EPN1: variants seen among roughly 807,000 people sequenced by gnomAD.
EPN1 encodes epsin 1, also known as epsin-1.
EPN1 carries 25 observed loss-of-function variants against 56.9 expected under a neutral mutation model. The observed-to-expected ratio is 0.44, with a 90% CI of 0.32 to 0.61. The LOEUF is 0.61. Among genes scored for constraint, EPN1 ranks in the 20% least tolerant of loss-of-function variants. EPN1 has a pLI of 0.05. For synonymous variants in EPN1, 411 were observed against 361.8 expected (o/e 1.14, Z -1.54); for missense variants, 785 against 823.7 (o/e 0.95, Z 0.58).
rs1243156380 is a variant in EPN1 at position 55,688,856 on chromosome 19, C to T, written c.479-14C>T. ...CCTGGTCTGGGTCTCACGCGTTTCT[C>T]ACCCGCCCTCCAGCCTCATCAGCAG... On this transcript the variant is annotated splice_polypyrimidine_tract_variant and intron_variant, in intron 3 of 10. Coordinates refer to ENST00000270460, the MANE Select transcript of EPN1 (RefSeq NM_001130072.2). The T allele has an allele frequency of 3.2e-6, 5 of 1,571,604 alleles. No homozygotes were observed. Among genetic ancestry groups the T allele is most frequent in the Admixed American group, 3.7e-5 (2 of 53,350 alleles).
chr19:55,684,335 T>A (rs989739943), intron 2 of EPN1, among the ~76,000 whole-genome samples: 8 of 152,074 alleles, frequency 5.3e-5, no homozygotes, highest in Admixed American at 2.6e-4. Flanking sequence ...CCCTGCAGAA[T>A]CAAAGTTGTG....
At position 55,679,712 on chromosome 19, in the gene EPN1, C is replaced by T. The variant is rs188759411; in HGVS notation, c.228+857C>T. Among the ~76,000 whole-genome samples the T allele has an allele frequency of 5.7e-3, 863 of 152,278 alleles. 3 individuals are homozygous for T. The highest frequency in any genetic ancestry group is 9.4e-3 in the Non-Finnish European group (640 of 68,022). On this transcript the variant is annotated intron_variant, in intron 2 of 10. Coordinates refer to ENST00000270460, the MANE Select transcript of EPN1 (RefSeq NM_001130072.2). ...CAGATGAGGAGGCTGAGGCCTGGAG[C>T]GTTGCAGCACTTACACATGGGAGCA...
intron 1 of EPN1, chr19:55,677,799 G>A: frequency 7.0e-7 from 1 of 1,436,996 alleles, no homozygotes; most frequent in Non-Finnish European, 9.2e-7. Context: ...ATGTGTCCTT[G>A]TTTCTGCTGT....
At chr19:55,678,073 C>G (rs529841969) in intron 1 of EPN1, among the ~76,000 whole-genome samples, 1 of 149,708 alleles carries the variant, frequency 6.7e-6, no homozygotes, top group African/African-American at 2.5e-5. Context: ...GGGTGTGCAC[C>G]TGGGAAGTGT....
At position 55,694,411 on chromosome 19, in the gene EPN1, C is replaced by T; in HGVS notation, c.1265-315C>T. 3.2e-6 allele frequency: 1 copy of T among 309,060 alleles called. No homozygotes were observed. Among genetic ancestry groups the T allele is most frequent in the East Asian group, 5.2e-5 (1 of 19,146 alleles). 19.1% of individuals were successfully genotyped at this position (309,060 alleles called of 1,614,324 possible). A position where few individuals can be genotyped will look rare whatever the true frequency, so the allele number is the denominator to read the frequency against. On this transcript the variant is annotated intron_variant, in intron 9 of 10. Coordinates refer to ENST00000270460, the MANE Select transcript of EPN1 (RefSeq NM_001130072.2). The surrounding 1 kb of genome is among the most constrained non-coding windows in gnomAD (Gnocchi z 4.2). ...CTGTGAACACGCCCCCGCTGCCTTC[C>T]CCCGCGGGCCTATAGACCCTGGACG...
At chr19:55,690,344 C>T (rs542935991) in intron 6 of EPN1, among the ~76,000 whole-genome samples, 13 of 152,380 alleles carry the variant, frequency 8.5e-5, no homozygotes, top group African/African-American at 2.9e-4. Context: ...AGGCCGTGTG[C>T]TGCACACCCA....
chr19:55,706,277 C>CTTTTTTTTTTTTTTTTTTTTTT lies in EPN1; in HGVS notation c.*10923_*10924insTTTTTTTTTTTTTTTTTTTTTT, dbSNP rs1568587726. On this transcript the variant is annotated 3_prime_UTR_variant, in exon 11 of 11. Transcript: ENST00000270460. ...TCTTTTCTTCCTTTCTTCTCTTTTT[C>CTTTTTTTTTTTTTTTTTTTTTT]TTCTTCTTTTTTTTTTTTTTTTAAA... 1.5e-4 allele frequency: 15 copies of CTTTTTTTTTTTTTTTTTTTTTT among 98,532 alleles called. No individual in the cohort carries two copies. Among genetic ancestry groups the CTTTTTTTTTTTTTTTTTTTTTT allele is most frequent in the South Asian group, 2.9e-4 (1 of 3,484 alleles). The allele number at this position is 98,532 out of a possible 1,614,324, so 6.1% of individuals were successfully genotyped here. A position where few individuals can be genotyped will look rare whatever the true frequency, so the allele number is the denominator to read the frequency against.
intron 7 of EPN1, among the ~76,000 whole-genome samples, chr19:55,692,334 G>T (rs1435811244): frequency 2.0e-5 from 3 of 151,576 alleles, no homozygotes; most frequent in African/African-American, 7.3e-5. Context: ...CGTGTGTGAC[G>T]TAGGCATCTG....
At position 55,696,836 on chromosome 19, in the gene EPN1, G is replaced by C. The variant is rs1004754692; in HGVS notation, c.*1480G>C. On this transcript the variant is annotated 3_prime_UTR_variant, in exon 11 of 11. Transcript: ENST00000270460. ...AAGGAGTGCTGTTGGGGTGATGTGA[G>C]GTTGGGGTTCTGTTTCTTGCTGTGA... 5 of 152,594 alleles carry C rather than the reference G, an allele frequency of 3.3e-5. No individual in the cohort carries two copies. Among genetic ancestry groups the C allele is most frequent in the African/African-American group, 1.2e-4 (5 of 41,476 alleles). 9.5% of individuals were successfully genotyped at this position (152,594 alleles called of 1,614,324 possible).
In EPN1 at chr19:55,703,365, C is replaced by G. The variant is rs144747204; in HGVS notation, c.*8009C>G. The G allele has an allele frequency of 7.2e-5, 11 of 152,118 alleles. No homozygotes were observed. The highest frequency in any genetic ancestry group is 1.2e-4 in the Non-Finnish European group (8 of 68,116). The allele number at this position is 152,118 out of a possible 1,614,324, so 9.4% of individuals were successfully genotyped here. A position where few individuals can be genotyped will look rare whatever the true frequency, so the allele number is the denominator to read the frequency against. On this transcript the variant is annotated 3_prime_UTR_variant, in exon 11 of 11. Coordinates refer to ENST00000270460, the MANE Select transcript of EPN1 (RefSeq NM_001130072.2). ...TGAGATGGAGTTTCACTGTCGTCAC[C>G]CAGGCTAGAGTGCAATGGTGTGATT...
chr19:55,685,371 C>T (rs771748472), intron 2 of EPN1, 25 bp from the exon 3 acceptor site: 16 of 1,602,018 alleles, frequency 1.0e-5, no homozygotes, highest in South Asian at 3.4e-5. Context: ...GCGTGCTGAC[C>T]GGGCATCCCC....
In EPN1 at chr19:55,701,956, ATTCTTTT is replaced by A. The variant is rs1168088824; in HGVS notation, c.*6603_*6609del. ...CAGAGTCTCTAGCAGCCCCCACCCC[ATTCTTTT>A]TTTTTTTTTTTTTTTTGAGATGGAG... On this transcript the variant is annotated 3_prime_UTR_variant, in exon 11 of 11. Coordinates refer to ENST00000270460, the MANE Select transcript of EPN1 (RefSeq NM_001130072.2). 1 of 95,576 alleles carries A rather than the reference ATTCTTTT, an allele frequency of 1.0e-5. No individual in the cohort carries two copies. The highest frequency in any genetic ancestry group is 3.0e-4 in the East Asian group (1 of 3,322). 5.9% of individuals were successfully genotyped at this position (95,576 alleles called of 1,614,324 possible).
chr19:55,706,112 C>T lies in EPN1; in HGVS notation c.*10756C>T. On this transcript the variant is annotated 3_prime_UTR_variant, in exon 11 of 11. Transcript: ENST00000270460. ...AGTTTTTCCAGATTCTCTGCATGTGCAGGTTTATGAGACTGGAGAACTTTG... is the reference window on the plus strand; with the variant it reads ...AGTTTTTCCAGATTCTCTGCATGTGTAGGTTTATGAGACTGGAGAACTTTG... The T allele has an allele frequency of 4.1e-6, 1 of 244,032 alleles. No homozygotes were observed. Among genetic ancestry groups the T allele is most frequent in the Non-Finnish European group, 8.3e-6 (1 of 119,836 alleles). 15.1% of individuals were successfully genotyped at this position (244,032 alleles called of 1,614,324 possible).
rs1456190975 is a variant in EPN1 at position 55,699,327 on chromosome 19, A to C, written c.*3971A>C. The C allele has an allele frequency of 1.3e-5, 2 of 152,136 alleles. No homozygotes were observed. The highest frequency in any genetic ancestry group is 2.9e-5 in the Non-Finnish European group (2 of 68,042). 9.4% of individuals were successfully genotyped at this position (152,136 alleles called of 1,614,324 possible). On this transcript the variant is annotated 3_prime_UTR_variant, in exon 11 of 11. Transcript: ENST00000270460. ...TTGCAGCCGCAGGCATCTCCCCCAC[A>C]CGTGCTTCTAGCTTCCCGGGTGTGG...
chr19:55,689,038 C>G lies in EPN1; in HGVS notation c.603+44C>G. 8 of 1,546,082 alleles carry G rather than the reference C, an allele frequency of 5.2e-6. No homozygotes were observed. The highest frequency in any genetic ancestry group is 1.4e-5 in the African/African-American group (1 of 73,948). On this transcript the variant is annotated intron_variant, in intron 4 of 10. Coordinates refer to ENST00000270460, the MANE Select transcript of EPN1 (RefSeq NM_001130072.2). This position sits in a 1 kb window ranked among gnomAD's most constrained non-coding sequence, Gnocchi z 5.7. ...GGGCTGTCTGTCCGCCACCCGCCTC[C>G]ACGCCTCACTTCAGGCTCCCTCCCA...
intron 2 of EPN1, among the ~76,000 whole-genome samples, chr19:55,684,227 G>C (rs1219226924): frequency 6.6e-6 from 1 of 152,208 alleles, no homozygotes; most frequent in African/African-American, 2.4e-5. Flanking sequence ...TTTCCTGGCA[G>C]ATTTCTCCTT....
At chr19:55,690,840 C>G (rs114562824) in intron 6 of EPN1, among the ~76,000 whole-genome samples, 3 of 152,146 alleles carry the variant, frequency 2.0e-5, no homozygotes, top group Non-Finnish European at 4.4e-5. Flanking sequence ...TCTTGGTAGA[C>G]GGAAAGCCTC....
At chr19:55,693,311 A>G (rs1349644748) in intron 9 of EPN1, 5 of 426,770 alleles carry the variant, frequency 1.2e-5, no homozygotes, top group Non-Finnish European at 1.7e-5. Flanking sequence ...CTCTGCCTCC[A>G]CGTTGCTTGA....
intron 3 of EPN1, among the ~76,000 whole-genome samples, chr19:55,686,607 C>T (rs979168998): frequency 6.6e-6 from 1 of 151,954 alleles, no homozygotes; most frequent in South Asian, 2.1e-4. Flanking sequence ...TCAGCACCCA[C>T]GGGGAGACAT....
Sources: gnomAD v4.1 joint callset for allele counts (sites outside exome capture counted in the v4.1 genomes callset) on GRCh38, gnomAD v4.1.1 for gene constraint, Gnocchi (gnomAD v3.1) non-coding constraint, MANE v1.5 for transcripts, NCBI Gene and HGNC (gene_info 2026-07-23, HGNC 2026-07-21) for gene names.